Variants in DLG2 observed in about 807,000 individuals in gnomAD.
The protein encoded by DLG2 is disks large homolog 2.
Under a neutral mutation model 132.5 loss-of-function variants are expected in DLG2, and 45 were observed. That is an observed-to-expected ratio of 0.34 (90% CI 0.27 to 0.44). DLG2 has a LOEUF of 0.44. Among genes scored for constraint, DLG2 ranks in the 20% least tolerant of loss-of-function variants. The pLI is 1.00. For missense variants in DLG2, 1,045 were observed against 1,196.9 expected, an observed-to-expected ratio of 0.87 and a Z score of 1.87; for synonymous variants, 424 against 419.6, an observed-to-expected ratio of 1.01 and a Z score of -0.13.
chr11:84,197,036 C>CAAAAAAAAAAAAAAAAAAA (rs60877284), intron 8 of DLG2, among the ~76,000 whole-genome samples: 3 of 87,932 alleles, frequency 3.4e-5, no homozygotes, highest in Non-Finnish European at 6.3e-5. Flanking sequence ...GACTCTTTCT[C>CAAAAAAAAAAAAAAAAAAA]AAAAAAAAAA....
At chr11:84,875,593 T>A (rs2086218809) in intron 6 of DLG2, among the ~76,000 whole-genome samples, 1 of 152,200 alleles carries the variant, frequency 6.6e-6, no homozygotes, top group African/African-American at 2.4e-5. Context: ...TACCTCACAT[T>A]TCCTAATTCA....
intron 6 of DLG2, among the ~76,000 whole-genome samples, chr11:84,728,073 C>T (rs1182099225): frequency 6.6e-6 from 1 of 152,152 alleles, no homozygotes; most frequent in East Asian, 1.9e-4. Flanking sequence ...TATCTGAATA[C>T]CCTTTATTTC....
At chr11:84,089,665 G>C (rs1407511851) in intron 10 of DLG2, among the ~76,000 whole-genome samples, 1 of 152,146 alleles carries the variant, frequency 6.6e-6, no homozygotes, top group African/African-American at 2.4e-5. Flanking sequence ...TGAGGACAAA[G>C]ACAACCTTAC....
chr11:84,827,676 C>CAAAAAAAAAAAAAAA lies in DLG2; in HGVS notation c.357+283970_357+283984dup, dbSNP rs398016953. Among the ~76,000 whole-genome samples the CAAAAAAAAAAAAAAA allele has an allele frequency of 5.4e-4, 19 of 35,094 alleles. 1 individual carries two copies. The highest frequency in any genetic ancestry group is 1.8e-3 in the South Asian group (1 of 546). The allele number at this position is 35,094 out of a possible 152,430, so 23.0% of individuals were successfully genotyped here. ...AAGGCTGGAACTGAGTACATACAGT[C>CAAAAAAAAAAAAAAA]AAAAAAAAAAAAAAAAAAAAAAGCC... is the stretch of plus-strand genomic sequence containing the variant. On this transcript the variant is annotated intron_variant, in intron 6 of 27. Transcript: ENST00000376104.
intron 16 of DLG2, among the ~76,000 whole-genome samples, chr11:83,836,120 T>C (rs1240361031): frequency 6.6e-6 from 1 of 152,200 alleles, no homozygotes; most frequent in Non-Finnish European, 1.5e-5. Context: ...TGTCCCAGCT[T>C]GAAGACAGTC....
At chr11:84,088,424 T>A (rs1291937709) in intron 10 of DLG2, among the ~76,000 whole-genome samples, 2 of 151,916 alleles carry the variant, frequency 1.3e-5, no homozygotes, top group African/African-American at 4.8e-5. Context: ...CACAAAGTTA[T>A]TAATATTTCG....
intron 3 of DLG2, among the ~76,000 whole-genome samples, chr11:85,483,760 A>ATG (rs1360133512): frequency 2.0e-5 from 3 of 152,038 alleles, no homozygotes; most frequent in Non-Finnish European, 2.9e-5. Context: ...CCTGGCCAAC[A>ATG]TGGTGAAACC....
chr11:83,642,266 G>T (rs1258340763), intron 18 of DLG2, among the ~76,000 whole-genome samples: 3 of 152,198 alleles, frequency 2.0e-5, no homozygotes, highest in African/African-American at 7.2e-5. Flanking sequence ...CTGATAAACA[G>T]AAATGATCCT....
intron 18 of DLG2, among the ~76,000 whole-genome samples, chr11:83,689,033 C>T (rs1438547122): frequency 5.9e-5 from 9 of 152,148 alleles, no homozygotes; most frequent in African/African-American, 1.9e-4. Flanking sequence ...TATTCTCCCT[C>T]TCCTTAGGCT....
chr11:84,246,142 T>A (rs2154346911), intron 8 of DLG2, among the ~76,000 whole-genome samples: 1 of 152,376 alleles, frequency 6.6e-6, no homozygotes, highest in South Asian at 2.1e-4. Context: ...ACCCACTTAT[T>A]CGTGGTTTCA....
chr11:84,064,705 G>T (rs1166771513), intron 10 of DLG2, among the ~76,000 whole-genome samples: 1 of 152,010 alleles, frequency 6.6e-6, no homozygotes, highest in Non-Finnish European at 1.5e-5. Context: ...ACTATAGTGA[G>T]GGAAAAATAC....
At chr11:83,650,984 A>G (rs547205202) in intron 18 of DLG2, among the ~76,000 whole-genome samples, 1 of 152,286 alleles carries the variant, frequency 6.6e-6, no homozygotes, top group East Asian at 1.9e-4. Context: ...CTTTTAAATG[A>G]AATTAATCAT....
chr11:85,040,920 C>T (rs576314069), intron 6 of DLG2, among the ~76,000 whole-genome samples: 7 of 151,780 alleles, frequency 4.6e-5, no homozygotes, highest in South Asian at 2.1e-4. Flanking sequence ...AAGAGAAAAA[C>T]GATTTTTTAA....
chr11:83,976,643 T>A (rs1167370625), intron 12 of DLG2, among the ~76,000 whole-genome samples: 1 of 151,946 alleles, frequency 6.6e-6, no homozygotes, highest in African/African-American at 2.4e-5. Flanking sequence ...TTGCAAAGTA[T>A]AAAATGAATC....
chr11:83,904,326 T>C (rs1464541618), intron 15 of DLG2, among the ~76,000 whole-genome samples: 1 of 152,132 alleles, frequency 6.6e-6, no homozygotes, highest in Non-Finnish European at 1.5e-5. Context: ...CATGGACAAA[T>C]TGAGGACCAC....
intron 6 of DLG2, among the ~76,000 whole-genome samples, chr11:84,591,256 T>TGTGTGCGC (rs773255134): frequency 2.7e-5 from 4 of 150,242 alleles, no homozygotes; most frequent in African/African-American, 9.9e-5. Context: ...TGTGTGTGTG[T>TGTGTGCGC]GCGCGTCTTT....
chr11:85,501,355 A>T (rs1179946626), intron 3 of DLG2, among the ~76,000 whole-genome samples: 1 of 152,192 alleles, frequency 6.6e-6, no homozygotes, highest in Non-Finnish European at 1.5e-5. Context: ...GGACATAGGC[A>T]TGGGCAAAGG....
chr11:84,324,667 C>A (rs756888512), intron 7 of DLG2, among the ~76,000 whole-genome samples: 4 of 152,040 alleles, frequency 2.6e-5, no homozygotes, highest in Non-Finnish European at 5.9e-5. Flanking sequence ...TCAATCCATG[C>A]ACATTTACAT....
intron 6 of DLG2, chr11:84,923,404 A>AT (rs1288955778): frequency 9.8e-7 from 1 of 1,020,162 alleles, no homozygotes; most frequent in Non-Finnish European, 1.2e-6. Context: ...TCCTTCTAGC[A>AT]TTTTAAATCA....
Sources: allele counts gnomAD v4.1 joint callset (sites outside exome capture counted in the v4.1 genomes callset), GRCh38; gene constraint gnomAD v4.1.1; transcripts MANE v1.5; gene names NCBI Gene and HGNC (gene_info 2026-07-23, HGNC 2026-07-21).